Variants in RBMS3 observed in about 807,000 individuals in gnomAD.
RBMS3 encodes the protein RNA-binding motif, single-stranded-interacting protein 3.
In RBMS3, 27 loss-of-function variants were observed where a neutral mutation model predicts 66.8. The observed-to-expected ratio is 0.40, with a 90% CI of 0.30 to 0.56. The LOEUF (loss-of-function observed/expected upper bound fraction) is 0.56. Ranked by LOEUF, RBMS3 falls within the 20% of genes least tolerant of loss-of-function variation. RBMS3 has a pLI of 0.40. For missense variants in RBMS3, 513 were observed against 549.5 expected (o/e 0.93, Z 0.66); for synonymous variants, 188 against 183.0 (o/e 1.03, Z -0.22).
At chr3:29,864,038 G>T (rs150620927) in intron 6 of RBMS3, among the ~76,000 whole-genome samples, 196 of 152,326 alleles carry the variant, frequency 1.3e-3, no homozygotes, top group Non-Finnish European at 1.4e-3. Flanking sequence ...AAAAGGTAGA[G>T]ATGGTCTCTT....
At chr3:29,661,856 A>G (rs1474399783) in intron 4 of RBMS3, among the ~76,000 whole-genome samples, 1 of 152,148 alleles carries the variant, frequency 6.6e-6, no homozygotes, top group African/African-American at 2.4e-5. Context: ...AGTAAATGGC[A>G]TGATGCCCCC....
intron 6 of RBMS3, among the ~76,000 whole-genome samples, chr3:29,804,414 G>T (rs972483127): frequency 1.3e-5 from 2 of 151,732 alleles, no homozygotes; most frequent in Non-Finnish European, 2.9e-5. Flanking sequence ...AATGTTTTTT[G>T]AATACATGCC....
intron 1 of RBMS3, among the ~76,000 whole-genome samples, chr3:29,330,313 A>T (rs2035577510): frequency 6.6e-6 from 1 of 152,192 alleles, no homozygotes; most frequent in South Asian, 2.1e-4. Flanking sequence ...TGCTAGCAGT[A>T]TGTTTGTAAT....
chr3:29,571,986 A>G (rs556488364), intron 3 of RBMS3, among the ~76,000 whole-genome samples: 48 of 152,002 alleles, frequency 3.2e-4, no homozygotes, highest in Non-Finnish European at 5.2e-4. Flanking sequence ...AATTATAGAG[A>G]TATTTTTCTT....
chr3:29,415,076 C>A (rs78295024), intron 1 of RBMS3, among the ~76,000 whole-genome samples: 1,977 of 152,244 alleles, frequency 0.013, 46 homozygotes, highest in African/African-American at 0.044. Flanking sequence ...CTGGAGTGTT[C>A]TCCCTGTGTA....
chr3:29,934,336 A>G (rs2061210712), intron 10 of RBMS3, among the ~76,000 whole-genome samples: 2 of 151,952 alleles, frequency 1.3e-5, no homozygotes, highest in South Asian at 4.1e-4. Flanking sequence ...CAGGACTTCC[A>G]TCTTAACTCT....
intron 12 of RBMS3, among the ~76,000 whole-genome samples, chr3:29,986,465 A>G (rs1437158920): frequency 1.3e-5 from 2 of 152,198 alleles, no homozygotes; most frequent in Non-Finnish European, 2.9e-5. Context: ...ATCAGGCAGC[A>G]TTGCTGAAAT....
chr3:29,962,312 G>C (rs1012275427), intron 12 of RBMS3, among the ~76,000 whole-genome samples: 8 of 151,528 alleles, frequency 5.3e-5, no homozygotes, highest in Non-Finnish European at 1.5e-5. Flanking sequence ...CAGTACCTTC[G>C]CATAGTATGT....
chr3:29,638,889 A>G (rs575410916), intron 4 of RBMS3, among the ~76,000 whole-genome samples: 60 of 151,972 alleles, frequency 3.9e-4, no homozygotes, highest in African/African-American at 1.4e-3. Context: ...AAATTTTCTT[A>G]ATGTATATCG....
chr3:29,929,440 C>CA (rs1206941995), intron 10 of RBMS3, among the ~76,000 whole-genome samples: 4 of 152,054 alleles, frequency 2.6e-5, no homozygotes, highest in African/African-American at 4.8e-5. Flanking sequence ...TATTCTCATT[C>CA]AAAATGACAC....
At chr3:29,760,506 T>G (rs1449502417) in intron 5 of RBMS3, among the ~76,000 whole-genome samples, 2 of 152,026 alleles carry the variant, frequency 1.3e-5, no homozygotes, top group East Asian at 3.9e-4. Context: ...TAAAGTAACA[T>G]CTGTAGTAAT....
Position 29,546,104 on chromosome 3 carries a change from G to A in RBMS3, c.308-41010G>A, listed in dbSNP as rs529830597. Among the ~76,000 whole-genome samples, 13 of 123,064 alleles carry A rather than the reference G, an allele frequency of 1.1e-4. No homozygotes were observed. In the South Asian group the frequency reaches 1.4e-3, roughly 13 times the overall value. 80.7% of individuals were successfully genotyped at this position (123,064 alleles called of 152,430 possible). Reference sequence around the variant, plus strand: ...TGTTGCTGGCACTGTTTGATGAGACGGGTTTGTGTGTGTGTGTGTGTGTGT... The same window carrying A: ...TGTTGCTGGCACTGTTTGATGAGACAGGTTTGTGTGTGTGTGTGTGTGTGT... On this transcript the variant is annotated intron_variant, in intron 3 of 14. Coordinates refer to ENST00000383767, the MANE Select transcript of RBMS3 (RefSeq NM_001003793.3).
At chr3:29,996,737 A>C (rs564564377) in intron 14 of RBMS3, among the ~76,000 whole-genome samples, 1 of 152,232 alleles carries the variant, frequency 6.6e-6, no homozygotes, top group African/African-American at 2.4e-5. Context: ...AAGACACAAC[A>C]TACCAGAATC....
chr3:29,884,461 TCTCTCTCTCC>T lies in RBMS3; in HGVS notation c.791+255_791+264del, dbSNP rs1323733241. ...CTCTCTCTCTCTCTCTCTCTCTCTCTCTCTCTCTCCCCCCCCGCTCCCTCCCTCCCTCCCT... is the reference window on the plus strand; with the variant it reads ...CTCTCTCTCTCTCTCTCTCTCTCTCTCCCCCCGCTCCCTCCCTCCCTCCCT... On this transcript the variant is annotated intron_variant, in intron 8 of 14. Coordinates refer to ENST00000383767, the MANE Select transcript of RBMS3 (RefSeq NM_001003793.3). Among the ~76,000 whole-genome samples the T allele has an allele frequency of 3.8e-3, 518 of 136,016 alleles. 28 individuals carry two copies. The highest frequency in any genetic ancestry group is 0.012 in the South Asian group (45 of 3,678). 89.2% of individuals were successfully genotyped at this position (136,016 alleles called of 152,430 possible).
chr3:29,609,250 A>G (rs1459878883), intron 4 of RBMS3, among the ~76,000 whole-genome samples: 4 of 151,998 alleles, frequency 2.6e-5, no homozygotes. Context: ...ATGACACTTA[A>G]TGTAGTACTG....
intron 1 of RBMS3, among the ~76,000 whole-genome samples, chr3:29,349,656 C>T (rs2036786140): frequency 6.6e-6 from 1 of 152,152 alleles, no homozygotes; most frequent in South Asian, 2.1e-4. Context: ...CCATTTAGCT[C>T]TCTGTCACCC....
chr3:29,685,286 C>G (rs545855216), intron 4 of RBMS3, among the ~76,000 whole-genome samples: 33 of 152,250 alleles, frequency 2.2e-4, no homozygotes, highest in Non-Finnish European at 3.5e-4. Flanking sequence ...TGGTCTCCAT[C>G]TCCTGACCTC....
At chr3:29,577,181 G>T (rs2047149191) in intron 3 of RBMS3, among the ~76,000 whole-genome samples, 1 of 152,170 alleles carries the variant, frequency 6.6e-6, no homozygotes, top group Non-Finnish European at 1.5e-5. Flanking sequence ...TTGGCCCAGG[G>T]TGTTTCTACA....
intron 1 of RBMS3, among the ~76,000 whole-genome samples, chr3:29,295,288 TATATATACATATATATCTATATATATAC>T (rs1489962157): frequency 2.5e-4 from 1 of 3,926 alleles, no homozygotes; most frequent in African/African-American, 7.4e-4. Context: ...TATATATATA[TATATATACATATATATCTATATATATAC>T]ATATATATAT....
Sources: allele counts gnomAD v4.1 joint callset (sites outside exome capture counted in the v4.1 genomes callset), GRCh38; gene constraint gnomAD v4.1.1; transcripts MANE v1.5; gene names NCBI Gene and HGNC (gene_info 2026-07-23, HGNC 2026-07-21).